CCR5AS: variants seen among roughly 807,000 people sequenced by gnomAD.
CCR5AS encodes the protein CCR5 antisense RNA.
At chr3:46,384,943 G>A (rs926881671) in intron 2 of CCR5AS, among the ~76,000 whole-genome samples, 1 of 152,190 alleles carries the variant, frequency 6.6e-6, no homozygotes, top group African/African-American at 2.4e-5. Context: ...GTGAGTGTGG[G>A]TGTGTGTGTC....
chr3:46,373,835 C>A (rs959967668), intron 2 of CCR5AS: 17 of 1,613,986 alleles, frequency 1.1e-5, no homozygotes, highest in Non-Finnish European at 1.4e-5. Flanking sequence ...TCTTAGTCTT[C>A]TTCCAAAAGC....
At chr3:46,389,964 C>A (rs893060345) in intron 2 of CCR5AS, among the ~76,000 whole-genome samples, 2 of 152,016 alleles carry the variant, frequency 1.3e-5, no homozygotes, top group African/African-American at 2.4e-5. Flanking sequence ...ACTTTGTACC[C>A]CTTTGAGTAA....
intron 2 of CCR5AS, among the ~76,000 whole-genome samples, chr3:46,389,870 G>A (rs1415159844): frequency 1.3e-5 from 2 of 152,164 alleles, no homozygotes; most frequent in Admixed American, 1.3e-4. Flanking sequence ...AACAGAGTCT[G>A]CAGGAAGGGT....
chr3:46,379,579 G>A (rs959897346), intron 2 of CCR5AS, among the ~76,000 whole-genome samples: 3 of 152,158 alleles, frequency 2.0e-5, no homozygotes, highest in Non-Finnish European at 2.9e-5. Flanking sequence ...CTTCAGGGAA[G>A]AGGTGCAGCC....
intron 2 of CCR5AS, among the ~76,000 whole-genome samples, chr3:46,388,612 C>T (rs1701882318): frequency 6.6e-6 from 1 of 152,158 alleles, no homozygotes; most frequent in Admixed American, 6.5e-5. Context: ...GTAAAAACAA[C>T]ACTCTTCATT....
chr3:46,402,930 C>T lies in CCR5AS; in HGVS notation n.163+3967G>A, dbSNP rs1702015426. ...AAGTAGACCCCGGTGTCTGTTGTTC[C>T]CTTCTTTGAGTTCATGTGTTCTCAT... On this transcript the variant is annotated intron_variant and non_coding_transcript_variant, in intron 1 of 3. Transcript: ENST00000451485. Among the ~76,000 whole-genome samples, 3 of 152,154 alleles carry T rather than the reference C, an allele frequency of 2.0e-5. 1 individual carries two copies. The South Asian group carries it at 6.2e-4, about 32-fold the overall frequency.
At chr3:46,401,761 T>A (rs1702008048) in intron 1 of CCR5AS, among the ~76,000 whole-genome samples, 1 of 149,260 alleles carries the variant, frequency 6.7e-6, no homozygotes, top group South Asian at 2.1e-4. Context: ...ATTATTAATT[T>A]AATTAATAAT....
At chr3:46,397,432 G>T (rs1258818728) in intron 1 of CCR5AS, among the ~76,000 whole-genome samples, 2 of 152,234 alleles carry the variant, frequency 1.3e-5, no homozygotes, top group Admixed American at 6.5e-5. Context: ...TGAGTTTAAT[G>T]AAGGATTCTA....
At chr3:46,378,115 G>C (rs1437165805) in intron 2 of CCR5AS, among the ~76,000 whole-genome samples, 1 of 152,148 alleles carries the variant, frequency 6.6e-6, no homozygotes, top group African/African-American at 2.4e-5. Flanking sequence ...GGATAAGGCT[G>C]AACAGAAGAG....
chr3:46,382,949 G>A (rs1445392911), intron 2 of CCR5AS, among the ~76,000 whole-genome samples: 3 of 152,242 alleles, frequency 2.0e-5, no homozygotes, highest in African/African-American at 7.2e-5. Context: ...GGATAAATGA[G>A]AAATTGCATG....
chr3:46,393,535 TA>T, intron 1 of CCR5AS, among the ~76,000 whole-genome samples: 1 of 143,198 alleles, frequency 7.0e-6, no homozygotes, highest in African/African-American at 2.6e-5. Context: ...AAGAATTTAG[TA>T]AAAAATTATA....
intron 3 of CCR5AS, among the ~76,000 whole-genome samples, chr3:46,370,022 A>G (rs1486733912): frequency 6.6e-6 from 1 of 152,160 alleles, no homozygotes; most frequent in Non-Finnish European, 1.5e-5. Context: ...TCTGCTGACA[A>G]TACTTGAGAT....
chr3:46,384,395 A>G (rs562775167), intron 2 of CCR5AS, among the ~76,000 whole-genome samples: 14 of 152,322 alleles, frequency 9.2e-5, no homozygotes, highest in Admixed American at 5.9e-4. Context: ...TGGCCCCCAG[A>G]TAGTCTTTTC....
chr3:46,406,080 T>G (rs1330816455), intron 1 of CCR5AS, among the ~76,000 whole-genome samples: 1 of 152,096 alleles, frequency 6.6e-6, no homozygotes. Context: ...CTCACTATGT[T>G]GCCCAGGCTG....
intron 1 of CCR5AS, among the ~76,000 whole-genome samples, chr3:46,395,413 G>C (rs1016492904): frequency 2.0e-5 from 3 of 152,108 alleles, no homozygotes; most frequent in African/African-American, 4.8e-5. Context: ...AGGAATGCAG[G>C]CAGCAAAGGG....
At chr3:46,392,403 G>A (rs1442174698) in intron 2 of CCR5AS, among the ~76,000 whole-genome samples, 2 of 152,212 alleles carry the variant, frequency 1.3e-5, no homozygotes, top group East Asian at 1.9e-4. Flanking sequence ...GAAGAAGGGG[G>A]AATGAAGCGT....
intron 1 of CCR5AS, among the ~76,000 whole-genome samples, chr3:46,394,577 G>A (rs1278473444): frequency 3.9e-5 from 6 of 152,100 alleles, no homozygotes; most frequent in Non-Finnish European, 7.4e-5. Context: ...TGCACACCTG[G>A]AGAACATGTC....
chr3:46,378,449 G>A (rs1270393411), intron 2 of CCR5AS, among the ~76,000 whole-genome samples: 1 of 151,850 alleles, frequency 6.6e-6, no homozygotes. Flanking sequence ...ACTTATTTTT[G>A]TTTCTCTGGG....
intron 2 of CCR5AS, chr3:46,373,453 A>G (rs1375393992): frequency 1.1e-5 from 14 of 1,316,722 alleles, no homozygotes; most frequent in East Asian, 2.2e-5. Context: ...CATTTTCCAT[A>G]CAGTCAGTAT....
Sources: gnomAD v4.1 joint callset for allele counts (sites outside exome capture counted in the v4.1 genomes callset) on GRCh38, gnomAD v4.1.1 for gene constraint, MANE v1.5 for transcripts, NCBI Gene and HGNC (gene_info 2026-07-23, HGNC 2026-07-21) for gene names.